KCNC4: variants seen among roughly 807,000 people sequenced by gnomAD.
KCNC4 encodes the protein potassium voltage-gated channel subfamily C member 4, also known as voltage-gated potassium channel KCNC4.
In KCNC4, 23 loss-of-function variants were observed where a neutral mutation model predicts 42.8. That is an observed-to-expected ratio of 0.54 (90% CI 0.39 to 0.76). The LOEUF (loss-of-function observed/expected upper bound fraction) is 0.76, where lower values mean the gene tolerates loss of function less well. Among genes scored for constraint, KCNC4 ranks in the 30% least tolerant of loss-of-function variants. The pLI, the probability that KCNC4 is intolerant of heterozygous loss-of-function variation, is 0.00. For missense variants in KCNC4, 751 were observed against 898.2 expected (o/e 0.84, Z 2.10); for synonymous variants, 422 against 393.5 (o/e 1.07, Z -0.86).
intron 1 of KCNC4, among the ~76,000 whole-genome samples, chr1:110,270,936 A>G (rs925441090): frequency 6.6e-6 from 1 of 152,234 alleles, no homozygotes; most frequent in Non-Finnish European, 1.5e-5. Context: ...TCAGCTCTTC[A>G]GTAGATTTAG....
At chr1:110,231,544 C>G (rs971112289) in intron 3 of KCNC4, among the ~76,000 whole-genome samples, 2 of 152,118 alleles carry the variant, frequency 1.3e-5, no homozygotes, top group Non-Finnish European at 2.9e-5. Flanking sequence ...CCATCCTAGA[C>G]CCCTCAGTAG....
chr1:110,213,811 G>A (rs1487237205), intron 1 of KCNC4, among the ~76,000 whole-genome samples: 3 of 152,184 alleles, frequency 2.0e-5, no homozygotes, highest in African/African-American at 7.2e-5. Flanking sequence ...CTGCATTAGG[G>A]GAGAGAGGGC....
Position 110,211,665 on chromosome 1 carries a change from A to G in KCNC4, c.166A>G (p.Thr56Ala). ...RHETYRSTLRTLPGTRLAWLA... is the reference protein window; with the variant it reads ...RHETYRSTLRALPGTRLAWLA... Reference sequence around the variant, plus strand: ...TGAGACCTACCGCAGCACCCTGCGCACCCTACCGGGAACCCGCCTCGCCTG... The same window carrying G: ...TGAGACCTACCGCAGCACCCTGCGCGCCCTACCGGGAACCCGCCTCGCCTG... The change falls in exon 1 of 4, where the codon ACC (threonine) becomes GCC (alanine). Residue 56 changes from threonine to alanine, a missense_variant. Coordinates refer to ENST00000438661, the MANE Select transcript of KCNC4 (RefSeq NM_001039574.3). The surrounding 1 kb of genome is among the most constrained non-coding windows in gnomAD (Gnocchi z 6.5). The G allele has an allele frequency of 6.2e-7, 1 of 1,612,064 alleles. No homozygotes were observed. The highest frequency in any genetic ancestry group is 8.5e-7 in the Non-Finnish European group (1 of 1,179,330).
Sources: gnomAD v4.1 joint callset for allele counts (sites outside exome capture counted in the v4.1 genomes callset) on GRCh38, gnomAD v4.1.1 for gene constraint, Gnocchi (gnomAD v3.1) non-coding constraint, MANE v1.5 for transcripts, NCBI Gene and HGNC (gene_info 2026-07-23, HGNC 2026-07-21) for gene names.